The following NKAIN3 variants were observed in gnomAD, a reference collection of about 807,000 sequenced individuals.
The protein encoded by NKAIN3 is sodium/potassium transporting ATPase interacting 3.
NKAIN3 carries 25 observed loss-of-function variants against 30.2 expected under a neutral mutation model. The ratio of observed to expected loss-of-function variants is 0.83; its 90% confidence interval spans 0.60 to 1.16. NKAIN3 has a LOEUF of 1.16. NKAIN3 is among the 50% of genes most tolerant of loss of function. NKAIN3 has a pLI of 0.00. For missense variants in NKAIN3, 225 were observed against 254.1 expected (o/e 0.89, Z 0.78); for synonymous variants, 91 against 89.6 (o/e 1.02, Z -0.09).
In NKAIN3 at chr8:62,597,168, A is replaced by G. The variant is rs186031984; in HGVS notation, c.273+7374A>G. ...GCAAGCTGGTCCCTCGGACCTGTGA[A>G]AGGACTCCTAGAGCTATTCCTGTTT... On this transcript the variant is annotated intron_variant, in intron 3 of 6. Coordinates refer to ENST00000623646, the MANE Select transcript of NKAIN3 (RefSeq NM_001304533.3). Among the ~76,000 whole-genome samples, 3 of 152,174 alleles carry G rather than the reference A, an allele frequency of 2.0e-5. No homozygotes were observed. The East Asian group carries it at 5.8e-4, about 30-fold the overall frequency.
In NKAIN3 at chr8:62,981,284, T is replaced by C. The variant is rs935332915; in HGVS notation, c.*15877T>C. ...TCATTAAAGGGCCCCTGCAAATCTA[T>C]GATGCTAGATGACAGATTCTACCAG... On this transcript the variant is annotated 3_prime_UTR_variant, in exon 7 of 7. Transcript: ENST00000623646. The C allele has an allele frequency of 1.3e-5, 2 of 152,178 alleles. No homozygotes were observed. The highest frequency in any genetic ancestry group is 4.8e-5 in the African/African-American group (2 of 41,450). The allele number at this position is 152,178 out of a possible 1,614,324, so 9.4% of individuals were successfully genotyped here. A position where few individuals can be genotyped will look rare whatever the true frequency, so the allele number is the denominator to read the frequency against.
intron 4 of NKAIN3, among the ~76,000 whole-genome samples, chr8:62,861,035 T>G (rs1163409260): frequency 6.6e-6 from 1 of 152,208 alleles, no homozygotes. Flanking sequence ...CTACTGGTAG[T>G]GGCTGCCTAG....
intron 3 of NKAIN3, among the ~76,000 whole-genome samples, chr8:62,618,777 G>A (rs1811537478): frequency 6.6e-6 from 1 of 152,018 alleles, no homozygotes; most frequent in Non-Finnish European, 1.5e-5. Flanking sequence ...ATGGTGGTGG[G>A]CATCTATAAT....
At chr8:62,481,198 A>G (rs1014816921) in intron 1 of NKAIN3, among the ~76,000 whole-genome samples, 2 of 152,084 alleles carry the variant, frequency 1.3e-5, no homozygotes, top group African/African-American at 4.8e-5. Context: ...AAGTGTTCAA[A>G]GTATCCTTTG....
rs528162684 is a variant in NKAIN3, at chr8:62,491,804, G to A, written c.55-87735G>A. The stretch of plus-strand genomic sequence containing the variant: ...ATCTATCCTTCATGAGTAAGGGAGA[G>A]TATTGAGAATGGGGAAAGGAGGACT... On this transcript the variant is annotated intron_variant, in intron 1 of 6. Transcript: ENST00000623646. Among the ~76,000 whole-genome samples the A allele has an allele frequency of 2.6e-5, 4 of 152,154 alleles. No homozygotes were observed. In the East Asian group the frequency reaches 5.8e-4, roughly 22 times the overall value.
intron 1 of NKAIN3, among the ~76,000 whole-genome samples, chr8:62,336,024 G>A (rs1815540475): frequency 6.6e-6 from 1 of 151,988 alleles, no homozygotes; most frequent in Admixed American, 6.6e-5. Flanking sequence ...CTTACCTTCA[G>A]ATATTTCTGA....
chr8:62,672,711 A>G (rs909889411), intron 3 of NKAIN3, among the ~76,000 whole-genome samples: 3 of 152,144 alleles, frequency 2.0e-5, no homozygotes, highest in East Asian at 3.9e-4. Flanking sequence ...GGCTGCTAAT[A>G]CCTTTTCCTG....
In NKAIN3 at chr8:62,401,039, A is replaced by C. The variant is rs115442905; in HGVS notation, c.54+151912A>C. 3.9e-3 allele frequency among the ~76,000 whole-genome samples: 274 copies of C among 70,054 alleles called. 2 individuals are homozygous for C. The highest frequency in any genetic ancestry group is 0.016 in the Middle Eastern group (2 of 124). 46.0% of individuals were successfully genotyped at this position (70,054 alleles called of 152,430 possible). A position where few individuals can be genotyped will look rare whatever the true frequency, so the allele number is the denominator to read the frequency against. On this transcript the variant is annotated intron_variant, in intron 1 of 6. Transcript: ENST00000623646. ...TCTCTCACTCTCTCTCTCTCTCTCT[A>C]CATCCTCTTTAAGGCCAAGAACTCT...
chr8:62,348,327 G>A (rs1048238708), intron 1 of NKAIN3, among the ~76,000 whole-genome samples: 2 of 152,242 alleles, frequency 1.3e-5, no homozygotes, highest in Middle Eastern at 3.4e-3. Flanking sequence ...GTTTATATTT[G>A]TAGATGACAT....
intron 3 of NKAIN3, among the ~76,000 whole-genome samples, chr8:62,648,259 G>T (rs1812524712): frequency 1.3e-5 from 2 of 152,102 alleles, no homozygotes; most frequent in South Asian, 4.1e-4. Context: ...CTGGGATAGA[G>T]ATGGAGATCT....
chr8:62,288,704 G>A (rs969990992), intron 1 of NKAIN3, among the ~76,000 whole-genome samples: 1 of 152,122 alleles, frequency 6.6e-6, no homozygotes, highest in East Asian at 1.9e-4. Flanking sequence ...ATAAACATAC[G>A]TGTGCATGTG....
At chr8:62,812,650 C>T (rs73256968) in intron 4 of NKAIN3, among the ~76,000 whole-genome samples, 2,093 of 151,616 alleles carry the variant, frequency 0.014, 50 homozygotes, top group African/African-American at 0.049. Context: ...ACAATTATGT[C>T]ATCTGCAAAT....
intron 1 of NKAIN3, among the ~76,000 whole-genome samples, chr8:62,378,533 C>G (rs1048280964): frequency 1.3e-5 from 2 of 152,188 alleles, no homozygotes; most frequent in African/African-American, 4.8e-5. Flanking sequence ...TGGGCCAGAT[C>G]CAGGGCACCC....
rs1820798981 is a variant in NKAIN3 at position 62,876,562 on chromosome 8, CAA to C, written c.472-41888_472-41887del. On this transcript the variant is annotated intron_variant, in intron 4 of 6. Transcript: ENST00000623646. ...ACAATAGCAAAGACATGGAAACAAA[CAA>C]AATGCCCATCGATGATAGACTGGAT... Among the ~76,000 whole-genome samples, 3 of 152,214 alleles carry C rather than the reference CAA, an allele frequency of 2.0e-5. No individual in the cohort carries two copies. The East Asian group carries it at 5.8e-4, about 29-fold the overall frequency.
chr8:62,345,814 A>G (rs1815986190), intron 1 of NKAIN3, among the ~76,000 whole-genome samples: 1 of 151,864 alleles, frequency 6.6e-6, no homozygotes, highest in Non-Finnish European at 1.5e-5. Flanking sequence ...TGTTGAAGAA[A>G]AATAAAACAG....
At chr8:62,620,520 G>A (rs1811590837) in intron 3 of NKAIN3, among the ~76,000 whole-genome samples, 1 of 152,010 alleles carries the variant, frequency 6.6e-6, no homozygotes, top group Non-Finnish European at 1.5e-5. Context: ...AGAGATGCAG[G>A]GGTAATTTCA....
intron 3 of NKAIN3, among the ~76,000 whole-genome samples, chr8:62,705,999 A>G (rs573128704): frequency 6.6e-6 from 1 of 152,246 alleles, no homozygotes; most frequent in South Asian, 2.1e-4. Context: ...TAAACACATG[A>G]TGGGACTTCT....
At chr8:62,763,498 A>C (rs984186213) in intron 4 of NKAIN3, among the ~76,000 whole-genome samples, 2 of 152,162 alleles carry the variant, frequency 1.3e-5, no homozygotes, top group African/African-American at 4.8e-5. Context: ...TTCATTTAAA[A>C]TTGATTTACA....
In NKAIN3 at chr8:62,399,818, A is replaced by C. The variant is rs35745600; in HGVS notation, c.54+150691A>C. 6.3e-3 allele frequency among the ~76,000 whole-genome samples: 960 copies of C among 152,308 alleles called. 4 individuals carry two copies. Among genetic ancestry groups the C allele is most frequent in the Middle Eastern group, 0.017 (5 of 294 alleles). ...ATGCAAGAGCAGTGAGGAAATGGAGAGAGTCATTATCAAAACATCAGCTAA... is the reference window on the plus strand; with the variant it reads ...ATGCAAGAGCAGTGAGGAAATGGAGCGAGTCATTATCAAAACATCAGCTAA... On this transcript the variant is annotated intron_variant, in intron 1 of 6. Transcript: ENST00000623646.
Sources: allele counts gnomAD v4.1 joint callset (sites outside exome capture counted in the v4.1 genomes callset), GRCh38; gene constraint gnomAD v4.1.1; transcripts MANE v1.5; gene names NCBI Gene and HGNC (gene_info 2026-07-23, HGNC 2026-07-21).